DIAPH2: variants seen among roughly 807,000 people sequenced by gnomAD.
The protein encoded by DIAPH2 is protein diaphanous homolog 2.
In DIAPH2, 35 loss-of-function variants were observed where a neutral mutation model predicts 92.7. The observed-to-expected ratio is 0.38, with a 90% CI of 0.29 to 0.50. The LOEUF is 0.50. DIAPH2 is among the 20% of genes least tolerant of loss of function. The probability of loss-of-function intolerance (pLI) is 0.94; values close to 1 mark genes in which losing one functional copy is unlikely to be tolerated. For synonymous variants in DIAPH2, 301 were observed against 280.4 expected (o/e 1.07, Z -0.73); for missense variants, 701 against 819.5 (o/e 0.86, Z 1.77).
intron 12 of DIAPH2, among the ~76,000 whole-genome samples, chrX:96,939,914 C>T (rs1323577014): frequency 3.1e-5 from 3 of 98,335 alleles, no homozygotes. Flanking sequence ...CCGCCCGTCT[C>T]GGCCTCCCAA....
chrX:96,996,272 C>T (rs945077697), intron 17 of DIAPH2, among the ~76,000 whole-genome samples: 8 of 111,814 alleles, frequency 7.2e-5, no homozygotes, highest in Non-Finnish European at 1.1e-4. Flanking sequence ...GCAAAGAAAA[C>T]ATTGAATATG....
chrX:97,042,072 T>G (rs938016897), intron 17 of DIAPH2, among the ~76,000 whole-genome samples: 11 of 111,901 alleles, frequency 9.8e-5, no homozygotes, highest in Non-Finnish European at 1.9e-4. Flanking sequence ...AATCTCAGTT[T>G]CATCTGTCAT....
At chrX:96,980,592 G>T (rs768423626) in intron 17 of DIAPH2, among the ~76,000 whole-genome samples, 1 of 110,542 alleles carries the variant, frequency 9.0e-6, no homozygotes, top group African/African-American at 3.3e-5. Context: ...TGGAGCCCTC[G>T]CCAGGGACCC....
intron 26 of DIAPH2, among the ~76,000 whole-genome samples, chrX:97,433,347 C>A (rs768742329): frequency 1.2e-3 from 129 of 108,934 alleles, no homozygotes; most frequent in Middle Eastern, 4.7e-3. Context: ...CCCATCTCTA[C>A]AAAAAAATAC....
intron 14 of DIAPH2, among the ~76,000 whole-genome samples, chrX:96,947,371 G>T (rs774524056): frequency 1.8e-5 from 2 of 110,962 alleles, no homozygotes; most frequent in South Asian, 3.9e-4. Context: ...ATCTTAACAC[G>T]GATAGTAGTA....
intron 1 of DIAPH2, among the ~76,000 whole-genome samples, chrX:96,687,747 A>G (rs2063778875): frequency 8.9e-6 from 1 of 111,779 alleles, no homozygotes; most frequent in Admixed American, 9.5e-5. Flanking sequence ...GTGGCATTTC[A>G]ACACTATAAT....
intron 21 of DIAPH2, among the ~76,000 whole-genome samples, chrX:97,125,159 A>G (rs1382900195): frequency 6.3e-5 from 7 of 111,426 alleles, no homozygotes; most frequent in Non-Finnish European, 1.1e-4. Context: ...GTATACATCA[A>G]TTGACTCATA....
intron 5 of DIAPH2, among the ~76,000 whole-genome samples, chrX:96,882,831 C>T (rs886598554): frequency 2.5e-4 from 26 of 105,457 alleles, no homozygotes; most frequent in Admixed American, 8.2e-4. Context: ...TGGTGATGTG[C>T]GCCTGTGGTC....
At chrX:96,773,240 C>G (rs368113744) in intron 4 of DIAPH2, among the ~76,000 whole-genome samples, 15 of 82,579 alleles carry the variant, frequency 1.8e-4, no homozygotes, top group Middle Eastern at 6.1e-3. Flanking sequence ...AATTGTTTCC[C>G]CCCCCCTCCC....
intron 26 of DIAPH2, among the ~76,000 whole-genome samples, chrX:97,593,093 T>TAC (rs1382226803): frequency 8.9e-6 from 1 of 111,907 alleles, no homozygotes; most frequent in Non-Finnish European, 1.9e-5. Flanking sequence ...CTAGCTGTGT[T>TAC]ATTTTTAAGT....
intron 22 of DIAPH2, among the ~76,000 whole-genome samples, chrX:97,156,335 T>G (rs1398965053): frequency 2.7e-5 from 3 of 112,243 alleles, no homozygotes; most frequent in African/African-American, 9.7e-5. Context: ...TCTCTATGAT[T>G]GTTTTATGAA....
chrX:96,949,370 A>G (rs2065758336), intron 15 of DIAPH2, among the ~76,000 whole-genome samples: 1 of 110,936 alleles, frequency 9.0e-6, no homozygotes, highest in Non-Finnish European at 1.9e-5. Flanking sequence ...AGAAATAGTC[A>G]TTAATTGTAA....
chrX:97,411,629 C>G (rs1010105745), intron 25 of DIAPH2, among the ~76,000 whole-genome samples: 2 of 111,863 alleles, frequency 1.8e-5, no homozygotes, highest in Admixed American at 9.5e-5. Flanking sequence ...AGAGTCAAGA[C>G]CCATCAGTGT....
At chrX:97,236,780 G>A (rs1396357543) in intron 22 of DIAPH2, among the ~76,000 whole-genome samples, 28 of 110,417 alleles carry the variant, frequency 2.5e-4, no homozygotes, top group African/African-American at 8.5e-4. Context: ...TCCTGACCTC[G>A]TGATCCACCC....
At chrX:97,229,098 CTA>C (rs2067988048) in intron 22 of DIAPH2, among the ~76,000 whole-genome samples, 1 of 111,616 alleles carries the variant, frequency 9.0e-6, no homozygotes, top group Admixed American at 9.5e-5. Flanking sequence ...GCGATTGTGA[CTA>C]TTTTTTATAT....
intron 13 of DIAPH2, 115 bp downstream of exon 13, chrX:96,942,251 C>A: frequency 2.1e-6 from 1 of 487,295 alleles, no homozygotes; most frequent in Non-Finnish European, 3.6e-6. Flanking sequence ...AACTTCTATT[C>A]ATATCTGGTA....
intron 21 of DIAPH2, among the ~76,000 whole-genome samples, chrX:97,121,933 A>G (rs569735304): frequency 3.6e-5 from 4 of 111,658 alleles, no homozygotes; most frequent in African/African-American, 1.3e-4. Flanking sequence ...AGTATTATTG[A>G]CCCCATTTTG....
At chrX:97,219,633 T>A (rs1357771438) in intron 22 of DIAPH2, among the ~76,000 whole-genome samples, 10 of 111,904 alleles carry the variant, frequency 8.9e-5, no homozygotes, top group Non-Finnish European at 1.9e-4. Context: ...TATAATAAAA[T>A]TCATTGAATA....
intron 4 of DIAPH2, among the ~76,000 whole-genome samples, chrX:96,785,924 C>G (rs979171267): frequency 3.6e-5 from 4 of 111,890 alleles, no homozygotes; most frequent in Non-Finnish European, 7.5e-5. Flanking sequence ...AACATTCAAA[C>G]TGTAGCAGTC....
Sources: gnomAD v4.1 joint callset for allele counts (sites outside exome capture counted in the v4.1 genomes callset) on GRCh38, gnomAD v4.1.1 for gene constraint, MANE v1.5 for transcripts, NCBI Gene and HGNC (gene_info 2026-07-23, HGNC 2026-07-21) for gene names.